Variants in NRXN3 observed in about 807,000 individuals in gnomAD.
NRXN3 encodes neurexin III.
NRXN3 carries 32 observed loss-of-function variants against 137.6 expected under a neutral mutation model. The observed-to-expected ratio is 0.23, with a 90% CI of 0.18 to 0.31. The LOEUF is 0.31. NRXN3 is among the 10% of genes least tolerant of loss of function. The pLI is 1.00. For synonymous variants in NRXN3, 798 were observed against 784.5 expected, an observed-to-expected ratio of 1.02 and a Z score of -0.29; for missense variants, 1,574 against 2,062.5, an observed-to-expected ratio of 0.76 and a Z score of 4.59.
chr14:78,594,466 G>A (rs547568745), intron 4 of NRXN3, among the ~76,000 whole-genome samples: 2 of 152,284 alleles, frequency 1.3e-5, no homozygotes, highest in South Asian at 2.1e-4. Flanking sequence ...GAAAATGAGG[G>A]TCTGGACCTC....
intron 16 of NRXN3, among the ~76,000 whole-genome samples, chr14:79,614,383 A>T (rs761700801): frequency 7.8e-5 from 10 of 128,594 alleles, no homozygotes; most frequent in Non-Finnish European, 1.2e-4. Flanking sequence ...GGCCTTCATG[A>T]ACTTTTTTTT....
intron 4 of NRXN3, among the ~76,000 whole-genome samples, chr14:78,622,394 A>G (rs1037494491): frequency 6.6e-6 from 1 of 152,218 alleles, no homozygotes; most frequent in Non-Finnish European, 1.5e-5. Flanking sequence ...TTTATTATGT[A>G]AAATTCATCC....
At chr14:78,615,018 G>A (rs766696476) in intron 4 of NRXN3, 8 of 456,492 alleles carry the variant, frequency 1.8e-5, no homozygotes, top group East Asian at 6.9e-5. Flanking sequence ...CACTTCCACC[G>A]GGATCTTGAC....
chr14:78,449,661 A>G (rs1041409737), intron 4 of NRXN3, among the ~76,000 whole-genome samples: 14 of 152,342 alleles, frequency 9.2e-5, no homozygotes, highest in African/African-American at 3.4e-4. Flanking sequence ...GTTTTGGGGC[A>G]TGAGCATTAA....
chr14:79,477,371 A>G (rs1024403617), intron 16 of NRXN3, among the ~76,000 whole-genome samples: 4 of 152,156 alleles, frequency 2.6e-5, no homozygotes, highest in Admixed American at 2.0e-4. Context: ...GCCTCCAACT[A>G]GTTCTGTAGC....
intron 16 of NRXN3, among the ~76,000 whole-genome samples, chr14:79,608,075 G>A (rs1485378761): frequency 6.6e-6 from 1 of 152,062 alleles, no homozygotes; most frequent in Non-Finnish European, 1.5e-5. Flanking sequence ...GTCAACATCT[G>A]GTTTTATTGA....
intron 4 of NRXN3, among the ~76,000 whole-genome samples, chr14:78,362,706 A>G (rs1456501323): frequency 1.3e-5 from 2 of 152,218 alleles, no homozygotes; most frequent in African/African-American, 4.8e-5. Context: ...GATATGGTTC[A>G]TGGCTATCAG....
chr14:78,653,148 G>A (rs1393154560), intron 6 of NRXN3, among the ~76,000 whole-genome samples: 25 of 152,154 alleles, frequency 1.6e-4, no homozygotes, highest in Admixed American at 1.6e-3. Flanking sequence ...AGCACCCAAA[G>A]AGTGCTATTA....
At chr14:79,064,242 A>G (rs574725841) in intron 15 of NRXN3, among the ~76,000 whole-genome samples, 10 of 152,280 alleles carry the variant, frequency 6.6e-5, no homozygotes, top group Non-Finnish European at 1.2e-4. Flanking sequence ...CCACAGAACT[A>G]CAATGCCAGC....
At chr14:79,706,414 T>C (rs1013594466) in intron 19 of NRXN3, among the ~76,000 whole-genome samples, 6 of 148,186 alleles carry the variant, frequency 4.0e-5, no homozygotes, top group Middle Eastern at 3.6e-3. Flanking sequence ...CTTGAGGCTT[T>C]TTTACTTTTT....
chr14:78,911,923 T>G (rs921949888), intron 10 of NRXN3, among the ~76,000 whole-genome samples: 1 of 128,840 alleles, frequency 7.8e-6, no homozygotes, highest in Admixed American at 7.2e-5. Flanking sequence ...TATGTACAGG[T>G]TTTTTTTTTA....
At chr14:78,412,823 G>C (rs141065837) in intron 4 of NRXN3, among the ~76,000 whole-genome samples, 257 of 152,260 alleles carry the variant, frequency 1.7e-3, no homozygotes, top group Non-Finnish European at 2.8e-3. Context: ...GATTTCCTTT[G>C]TTGGCCATTA....
chr14:79,323,414 A>G (rs998706482), intron 15 of NRXN3, among the ~76,000 whole-genome samples: 3 of 152,226 alleles, frequency 2.0e-5, no homozygotes, highest in Non-Finnish European at 4.4e-5. Context: ...ATCTGTGCTT[A>G]GAAGCCAAAA....
chr14:79,016,633 C>G (rs1240402112), intron 15 of NRXN3, among the ~76,000 whole-genome samples: 1 of 152,158 alleles, frequency 6.6e-6, no homozygotes, highest in Non-Finnish European at 1.5e-5. Flanking sequence ...AGAAGAGATT[C>G]CAGATGCTAC....
At chr14:79,592,006 C>T (rs1450723631) in intron 16 of NRXN3, among the ~76,000 whole-genome samples, 1 of 152,154 alleles carries the variant, frequency 6.6e-6, no homozygotes, top group Non-Finnish European at 1.5e-5. Context: ...CCATTGTGGA[C>T]TCCATCCACA....
At chr14:78,378,885 G>A (rs1469890114) in intron 4 of NRXN3, among the ~76,000 whole-genome samples, 3 of 151,984 alleles carry the variant, frequency 2.0e-5, no homozygotes, top group Non-Finnish European at 2.9e-5. Flanking sequence ...ACTTTAGCTA[G>A]ACTAATAAAG....
chr14:79,690,397 C>T (rs1201461560), intron 17 of NRXN3, among the ~76,000 whole-genome samples: 2 of 152,010 alleles, frequency 1.3e-5, no homozygotes, highest in Non-Finnish European at 2.9e-5. Context: ...TCTCTTTTTC[C>T]TCTTTGCCTG....
At chr14:78,552,639 A>G (rs1489565794) in intron 4 of NRXN3, among the ~76,000 whole-genome samples, 1 of 152,198 alleles carries the variant, frequency 6.6e-6, no homozygotes, top group East Asian at 1.9e-4. Context: ...GCACTCCAGT[A>G]TGGGCAACAG....
At chr14:79,823,974 T>C (rs2099281027) in intron 20 of NRXN3, 1 of 424,290 alleles carries the variant, frequency 2.4e-6, no homozygotes, top group African/African-American at 2.0e-5. Flanking sequence ...AAATGACCCA[T>C]TACCAGAAAG....
Sources: allele counts gnomAD v4.1 joint callset (sites outside exome capture counted in the v4.1 genomes callset), GRCh38; gene constraint gnomAD v4.1.1; transcripts MANE v1.5; gene names NCBI Gene and HGNC (gene_info 2026-07-23, HGNC 2026-07-21).